Variants in KLF12 observed in about 807,000 individuals in gnomAD.
KLF12 encodes the protein Krueppel-like factor 12.
A neutral mutation model predicts 37.8 loss-of-function variants in KLF12; 9 were observed. The observed-to-expected ratio is 0.24, with a 90% CI of 0.14 to 0.42. The LOEUF is 0.42. Ranked by LOEUF, KLF12 falls within the 10% of genes least tolerant of loss-of-function variation. The pLI is 1.00. For missense variants in KLF12, 411 were observed against 516.0 expected, an observed-to-expected ratio of 0.80 and a Z score of 1.97; for synonymous variants, 208 against 202.1, an observed-to-expected ratio of 1.03 and a Z score of -0.25.
intron 5 of KLF12, among the ~76,000 whole-genome samples, chr13:73,804,231 C>G (rs1882442650): frequency 6.6e-6 from 1 of 152,142 alleles, no homozygotes; most frequent in Admixed American, 6.5e-5. Context: ...ATGTTTTTAT[C>G]CCATTAGACT....
intron 1 of KLF12, among the ~76,000 whole-genome samples, chr13:74,127,038 T>TA (rs1877978018): frequency 6.6e-6 from 1 of 152,036 alleles, no homozygotes; most frequent in African/African-American, 2.4e-5. Context: ...AGAGACAGGG[T>TA]TTTCAAGGCT....
chr13:73,738,106 TATATATATATATATATATACAC>T (rs768297756), intron 6 of KLF12, among the ~76,000 whole-genome samples: 73 of 106,578 alleles, frequency 6.8e-4, no homozygotes, highest in African/African-American at 1.1e-3. Flanking sequence ...TATATATATA[TATATATATATATATATATACAC>T]ACACACACAT....
At chr13:74,282,633 A>G in the KLF12 span, among the ~76,000 whole-genome samples, 1 of 152,200 alleles carries the variant, frequency 6.6e-6, no homozygotes, top group Non-Finnish European at 1.5e-5. Context: ...GGGTGACTGC[A>G]CAACAGCATG....
chr13:73,744,597 C>T (rs1056297854), intron 6 of KLF12, among the ~76,000 whole-genome samples: 10 of 151,830 alleles, frequency 6.6e-5, no homozygotes, highest in Admixed American at 6.6e-5. Flanking sequence ...GTGGCAGCAA[C>T]AGCAAATGAA....
At chr13:73,820,845 G>A (rs528874817) in intron 4 of KLF12, among the ~76,000 whole-genome samples, 1 of 152,312 alleles carries the variant, frequency 6.6e-6, no homozygotes, top group African/African-American at 2.4e-5. Flanking sequence ...CAAGACTGTT[G>A]GTTATTCCTT....
the KLF12 span, among the ~76,000 whole-genome samples, chr13:74,247,087 CT>C: frequency 1.3e-5 from 2 of 151,954 alleles, no homozygotes; most frequent in Non-Finnish European, 2.9e-5. Context: ...CAGTAAGCTT[CT>C]TTTTTTTCGA....
chr13:73,727,458 T>C (rs528567817), intron 6 of KLF12, among the ~76,000 whole-genome samples: 13 of 152,310 alleles, frequency 8.5e-5, no homozygotes, highest in South Asian at 2.1e-4. Context: ...AAGATTATTC[T>C]TTCCTCAGTG....
chr13:74,136,953 G>A (rs552073705), upstream of KLF12, among the ~76,000 whole-genome samples: 35 of 152,344 alleles, frequency 2.3e-4, no homozygotes, highest in Non-Finnish European at 4.0e-4. Context: ...GACTTGGGGT[G>A]CGTGTAAAAG....
chr13:73,942,747 A>G (rs1226191147), intron 3 of KLF12, among the ~76,000 whole-genome samples: 3 of 152,192 alleles, frequency 2.0e-5, no homozygotes, highest in Non-Finnish European at 4.4e-5. Context: ...GAGTCATGTT[A>G]TTGGTTGACA....
At chr13:73,897,434 G>A (rs1566445122) in intron 3 of KLF12, among the ~76,000 whole-genome samples, 2 of 152,104 alleles carry the variant, frequency 1.3e-5, no homozygotes, top group African/African-American at 2.4e-5. Context: ...CCACTCAGGT[G>A]GAACTAAATC....
chr13:74,089,820 A>AC (rs1875546857), intron 1 of KLF12, among the ~76,000 whole-genome samples: 1 of 149,804 alleles, frequency 6.7e-6, no homozygotes, highest in Admixed American at 6.7e-5. Context: ...AAAAAAAAAA[A>AC]AACAACCATG....
intron 1 of KLF12, among the ~76,000 whole-genome samples, chr13:74,101,610 G>T (rs754984066): frequency 6.6e-6 from 1 of 152,146 alleles, no homozygotes; most frequent in African/African-American, 2.4e-5. Flanking sequence ...GCCTGGAACT[G>T]CTTATTGTGC....
At chr13:74,187,016 T>A in the KLF12 span, among the ~76,000 whole-genome samples, 1 of 152,218 alleles carries the variant, frequency 6.6e-6, no homozygotes, top group South Asian at 2.1e-4. Flanking sequence ...ACACAGGGTC[T>A]GCACATAGAA....
intron 1 of KLF12, among the ~76,000 whole-genome samples, chr13:74,084,360 G>A (rs538779465): frequency 5.3e-5 from 8 of 152,228 alleles, no homozygotes; most frequent in African/African-American, 1.7e-4. Flanking sequence ...ATTCTGTTCC[G>A]TGATGGTCAA....
chr13:74,148,801 G>T, the KLF12 span, among the ~76,000 whole-genome samples: 1 of 151,920 alleles, frequency 6.6e-6, no homozygotes, highest in East Asian at 1.9e-4. Flanking sequence ...GAGTGTTCAT[G>T]TTTATTCTTG....
chr13:73,932,614 G>A (rs1889739981), intron 3 of KLF12, among the ~76,000 whole-genome samples: 1 of 152,162 alleles, frequency 6.6e-6, no homozygotes, highest in Admixed American at 6.5e-5. Context: ...AAAATTGATA[G>A]ACACACAGTG....
In KLF12 at chr13:74,002,187, G is replaced by A. The variant is rs535899669; in HGVS notation, c.-31-7134C>T. Among the ~76,000 whole-genome samples the A allele has an allele frequency of 1.4e-4, 21 of 152,130 alleles. 1 individual carries two copies. The South Asian group carries it at 1.7e-3, about 12-fold the overall frequency. ...ATTTAGATATCATCTATGTATCTCCGAATCTGCTCCTCAACACACAGCTAG... is the reference window on the plus strand; with the variant it reads ...ATTTAGATATCATCTATGTATCTCCAAATCTGCTCCTCAACACACAGCTAG... On this transcript the variant is annotated intron_variant, in intron 1 of 7. Coordinates refer to ENST00000377669, the MANE Select transcript of KLF12 (RefSeq NM_007249.5).
the KLF12 span, among the ~76,000 whole-genome samples, chr13:74,203,982 T>C: frequency 6.6e-6 from 1 of 152,184 alleles, no homozygotes; most frequent in Non-Finnish European, 1.5e-5. Context: ...CACAGACATC[T>C]GTGTTTTTTG....
At chr13:73,863,435 C>CTT (rs879390680) in intron 3 of KLF12, among the ~76,000 whole-genome samples, 1,563 of 152,200 alleles carry the variant, frequency 0.01, 23 homozygotes, top group Middle Eastern at 0.024. Flanking sequence ...TATTTACTTA[C>CTT]AACAGTGCTA....
Sources: allele counts gnomAD v4.1 joint callset (sites outside exome capture counted in the v4.1 genomes callset), GRCh38; gene constraint gnomAD v4.1.1; transcripts MANE v1.5; gene names NCBI Gene and HGNC (gene_info 2026-07-23, HGNC 2026-07-21).